The following LRRC37A variants were observed in gnomAD, a reference collection of about 807,000 sequenced individuals.
The protein encoded by LRRC37A is leucine rich repeat containing 37A.
Under a neutral mutation model 35.4 loss-of-function variants are expected in LRRC37A, and 3 were observed. That is an observed-to-expected ratio of 0.08 (90% CI 0.04 to 0.22). LRRC37A has a LOEUF of 0.22. LRRC37A is among the 10% of genes least tolerant of loss of function. The probability of loss-of-function intolerance (pLI) is 1.00; values close to 1 mark genes in which losing one functional copy is unlikely to be tolerated. For missense variants in LRRC37A, 67 were observed against 565.3 expected, an observed-to-expected ratio of 0.12 and a Z score of 8.94; for synonymous variants, 23 against 215.0, an observed-to-expected ratio of 0.11 and a Z score of 7.81.
chr17:46,259,019 A>ATTTTTTTTTTTTTTTTT, the LRRC37A span, among the ~76,000 whole-genome samples: 63 of 79,444 alleles, frequency 7.9e-4, no homozygotes, highest in Middle Eastern at 6.9e-3. Flanking sequence ...CACCCGGCCT[A>ATTTTTTTTTTTTTTTTT]TTTTTTTTTT....
At chr17:46,280,250 G>C in the LRRC37A span, among the ~76,000 whole-genome samples, 7 of 152,206 alleles carry the variant, frequency 4.6e-5, no homozygotes, top group African/African-American at 7.2e-5. Flanking sequence ...TGTAATCCCA[G>C]CTACTTGGGA....
At chr17:46,281,161 T>C in the LRRC37A span, among the ~76,000 whole-genome samples, 3 of 152,342 alleles carry the variant, frequency 2.0e-5, no homozygotes, top group South Asian at 2.1e-4. Flanking sequence ...TAGTGATGTA[T>C]GTAGGAGTGA....
the LRRC37A span, among the ~76,000 whole-genome samples, chr17:46,264,718 G>A: frequency 1.6e-3 from 240 of 152,128 alleles, no homozygotes; most frequent in Middle Eastern, 0.014. Context: ...CCCAGCACTG[G>A]ACTCTGGTGA....
chr17:46,315,292 C>T (rs561354598), intron 5 of LRRC37A, among the ~76,000 whole-genome samples: 2 of 85,694 alleles, frequency 2.3e-5, no homozygotes, highest in African/African-American at 6.4e-5. Flanking sequence ...TGGGAGGCTG[C>T]GGTGGGAGGA....
At chr17:46,270,147 G>A in the LRRC37A span, among the ~76,000 whole-genome samples, 1 of 152,208 alleles carries the variant, frequency 6.6e-6, no homozygotes, top group Non-Finnish European at 1.5e-5. Flanking sequence ...ACAGGGGAAG[G>A]AATTTCACTG....
the LRRC37A span, among the ~76,000 whole-genome samples, chr17:46,278,499 G>T: frequency 6.6e-6 from 1 of 151,778 alleles, no homozygotes; most frequent in Non-Finnish European, 1.5e-5. Flanking sequence ...CCACCTCCTG[G>T]GTTCAAGCGA....
the LRRC37A span, among the ~76,000 whole-genome samples, chr17:46,272,306 A>G: frequency 6.6e-6 from 1 of 152,262 alleles, no homozygotes; most frequent in Admixed American, 6.5e-5. Context: ...GATTATTGAA[A>G]GCAAAATAGC....
chr17:46,254,548 T>A, the LRRC37A span, among the ~76,000 whole-genome samples: 1 of 151,810 alleles, frequency 6.6e-6, no homozygotes, highest in Non-Finnish European at 1.5e-5. Context: ...CCAGCTAATT[T>A]TTTTTTTTTT....
the LRRC37A span, among the ~76,000 whole-genome samples, chr17:46,264,860 G>A: frequency 1.3e-5 from 2 of 152,346 alleles, no homozygotes; most frequent in South Asian, 2.1e-4. Context: ...AGAGTTTTGG[G>A]AACACCCCCA....
the LRRC37A span, among the ~76,000 whole-genome samples, chr17:46,271,770 CT>C: frequency 0.12 from 18,467 of 151,754 alleles, no homozygotes; most frequent in Non-Finnish European, 0.18. Context: ...CAAAAGTTCA[CT>C]TTTTTTTTGA....
chr17:46,280,584 T>C, the LRRC37A span, among the ~76,000 whole-genome samples: 1 of 147,458 alleles, frequency 6.8e-6, no homozygotes, highest in East Asian at 2.0e-4. Context: ...TTTTTTTTTT[T>C]TTTTTCCTGA....
chr17:46,267,175 C>A, the LRRC37A span: 86,892 of 567,914 alleles, frequency 0.15, 32 homozygotes, highest in Non-Finnish European at 0.2. Flanking sequence ...GCCGCGCCGC[C>A]GCCCCGCGAG....
the LRRC37A span, among the ~76,000 whole-genome samples, chr17:46,257,448 G>C: frequency 1.2e-5 from 1 of 83,858 alleles, no homozygotes; most frequent in African/African-American, 4.6e-5. Flanking sequence ...GTTAGACTCT[G>C]TCTCAAAAAA....
chr17:46,253,400 C>T, the LRRC37A span, among the ~76,000 whole-genome samples: 3 of 152,114 alleles, frequency 2.0e-5, no homozygotes, highest in African/African-American at 7.2e-5. Context: ...AGGCAGGCGG[C>T]TGGGAGGTGG....
the LRRC37A span, among the ~76,000 whole-genome samples, chr17:46,258,356 G>A: frequency 2.4e-4 from 37 of 152,200 alleles, no homozygotes; most frequent in South Asian, 6.8e-3. Context: ...GATTACAGGC[G>A]TGTGCCACTA....
At chr17:46,282,879 G>A in the LRRC37A span, among the ~76,000 whole-genome samples, 2 of 152,216 alleles carry the variant, frequency 1.3e-5, no homozygotes, top group Non-Finnish European at 2.9e-5. Context: ...AGCATTTTGG[G>A]AGGCCGAAGC....
intron 5 of LRRC37A, among the ~76,000 whole-genome samples, chr17:46,321,913 T>A (rs2143910144): frequency 1.7e-4 from 1 of 5,904 alleles, no homozygotes; most frequent in African/African-American, 2.7e-4. Context: ...AGACTCCATC[T>A]CAAAAAAAAA....
At chr17:46,283,662 G>A in the LRRC37A span, among the ~76,000 whole-genome samples, 3 of 152,178 alleles carry the variant, frequency 2.0e-5, no homozygotes, top group Non-Finnish European at 4.4e-5. Context: ...CTCGTTAAGT[G>A]GAACGAGAGA....
the LRRC37A span, among the ~76,000 whole-genome samples, chr17:46,267,893 C>CT: frequency 0.052 from 4,642 of 88,748 alleles, 362 homozygotes; most frequent in African/African-American, 0.11. Context: ...ACTCCCACAT[C>CT]TTTTTTTTTT....
Sources: allele counts gnomAD v4.1 joint callset (sites outside exome capture counted in the v4.1 genomes callset), GRCh38; gene constraint gnomAD v4.1.1; transcripts MANE v1.5; gene names NCBI Gene and HGNC (gene_info 2026-07-23, HGNC 2026-07-21).